DCC: variants seen among roughly 807,000 people sequenced by gnomAD.
The protein encoded by DCC is netrin receptor DCC.
DCC carries 58 observed loss-of-function variants against 172.5 expected under a neutral mutation model. The observed-to-expected ratio is 0.34, with a 90% CI of 0.27 to 0.42. The LOEUF (loss-of-function observed/expected upper bound fraction) is 0.42. Ranked by LOEUF, DCC falls within the 10% of genes least tolerant of loss-of-function variation. DCC has a pLI of 1.00. For synonymous variants in DCC, 709 were observed against 644.5 expected, an observed-to-expected ratio of 1.10 and a Z score of -1.52; for missense variants, 1,740 against 1,791.0, an observed-to-expected ratio of 0.97 and a Z score of 0.51.
chr18:52,589,451 G>A (rs774990315), intron 1 of DCC, among the ~76,000 whole-genome samples: 24 of 152,108 alleles, frequency 1.6e-4, no homozygotes, highest in Admixed American at 2.6e-4. Flanking sequence ...TGAAGGCTTT[G>A]GATATTATCA....
Position 53,219,539 on chromosome 18 carries a change from C to T in DCC, c.1911+3942C>T, listed in dbSNP as rs112109217. 8.0e-3 allele frequency among the ~76,000 whole-genome samples: 1,212 copies of T among 152,168 alleles called. 17 individuals are homozygous for T. Among genetic ancestry groups the T allele is most frequent in the African/African-American group, 0.027 (1,127 of 41,518 alleles). ...TTTAAATGCAAATTGATGGATTCCT[C>T]TCATTATATCACCTCACACCTCTCT... is the stretch of plus-strand genomic sequence containing the variant. On this transcript the variant is annotated intron_variant, in intron 12 of 28. Transcript: ENST00000442544.
At chr18:52,698,621 C>G (rs1326128152) in intron 1 of DCC, among the ~76,000 whole-genome samples, 7 of 151,720 alleles carry the variant, frequency 4.6e-5, no homozygotes, top group African/African-American at 7.3e-5. Flanking sequence ...GAGATGGAGT[C>G]TCACTCTGTC....
At chr18:53,215,967 A>G (rs2055840407) in intron 12 of DCC, among the ~76,000 whole-genome samples, 1 of 152,300 alleles carries the variant, frequency 6.6e-6, no homozygotes, top group Non-Finnish European at 1.5e-5. Context: ...AATAATTAGG[A>G]GAAAGAAAGA....
chr18:53,214,811 A>G (rs559289670), intron 11 of DCC, among the ~76,000 whole-genome samples: 13 of 152,300 alleles, frequency 8.5e-5, no homozygotes, highest in Non-Finnish European at 1.6e-4. Context: ...ATGATAGAAT[A>G]TTCACTTTTT....
At chr18:53,020,872 G>A (rs74932849) in intron 5 of DCC, among the ~76,000 whole-genome samples, 20,175 of 151,984 alleles carry the variant, frequency 0.13, 1,568 homozygotes, top group East Asian at 0.32. Context: ...CAGAGCCTGC[G>A]GATTAATGGT....
chr18:53,148,952 C>T (rs2043959490), intron 7 of DCC, among the ~76,000 whole-genome samples: 1 of 150,054 alleles, frequency 6.7e-6, no homozygotes, highest in African/African-American at 2.5e-5. Flanking sequence ...CAACCTCCAC[C>T]TCCTGGGTTC....
At chr18:53,443,899 AATG>A (rs1158849839) in intron 22 of DCC, among the ~76,000 whole-genome samples, 1 of 152,242 alleles carries the variant, frequency 6.6e-6, no homozygotes, top group Non-Finnish European at 1.5e-5. Flanking sequence ...AGAGAGCCAG[AATG>A]ATAAGAGGAG....
At chr18:52,655,467 T>C (rs1598991663) in intron 1 of DCC, among the ~76,000 whole-genome samples, 1 of 152,174 alleles carries the variant, frequency 6.6e-6, no homozygotes, top group East Asian at 1.9e-4. Flanking sequence ...AATGGACAAA[T>C]AGCTTCTGCA....
chr18:52,421,133 C>T lies in DCC; in HGVS notation c.91+80255C>T, dbSNP rs184035501. On this transcript the variant is annotated intron_variant, in intron 1 of 28. Transcript: ENST00000442544. Reference sequence around the variant, plus strand: ...AACATAGAAAAGTTATTGAACTGTACAGTTCCTGTGCCTTGAATTTCATGT... The same window carrying T: ...AACATAGAAAAGTTATTGAACTGTATAGTTCCTGTGCCTTGAATTTCATGT... Among the ~76,000 whole-genome samples the T allele has an allele frequency of 2.0e-3, 300 of 152,274 alleles. 2 individuals are homozygous for T. Among genetic ancestry groups the T allele is most frequent in the African/African-American group, 6.9e-3 (285 of 41,558 alleles).
At chr18:52,791,206 C>A (rs939197231) in intron 2 of DCC, among the ~76,000 whole-genome samples, 1 of 152,068 alleles carries the variant, frequency 6.6e-6, no homozygotes. Context: ...CTAAAAGAGC[C>A]GGGCTGATTT....
At chr18:52,368,911 A>C (rs1295353271) in intron 1 of DCC, among the ~76,000 whole-genome samples, 1 of 152,202 alleles carries the variant, frequency 6.6e-6, no homozygotes, top group Non-Finnish European at 1.5e-5. Context: ...AAGTGCCCAG[A>C]AAAGTATGTA....
chr18:52,457,831 T>C (rs868618932), intron 1 of DCC, among the ~76,000 whole-genome samples: 3 of 152,176 alleles, frequency 2.0e-5, no homozygotes, highest in East Asian at 3.9e-4. Flanking sequence ...CAAATTCCCA[T>C]TGACTTGGGA....
At chr18:53,378,554 A>T (rs1907481502) in intron 15 of DCC, among the ~76,000 whole-genome samples, 1 of 152,206 alleles carries the variant, frequency 6.6e-6, no homozygotes, top group East Asian at 1.9e-4. Context: ...AGGAAATCTG[A>T]GTTCCATGAT....
chr18:52,404,659 T>C (rs1318488477), intron 1 of DCC, among the ~76,000 whole-genome samples: 1 of 151,004 alleles, frequency 6.6e-6, no homozygotes, highest in Admixed American at 6.6e-5. Flanking sequence ...TTTTTTGTTT[T>C]CTTTTTTTTT....
rs1160693413 is a variant in DCC at position 53,410,483 on chromosome 18, C to T, written c.2967C>T (p.Asn989=). 1.2e-6 allele frequency: 2 copies of T among 1,609,874 alleles called. No individual in the cohort carries two copies. The highest frequency in any genetic ancestry group is 2.2e-5 in the South Asian group (2 of 91,010). ...TCTTATTTTATACCTTGGACAAGAACATCCCAATTGATGACTGGATTATGG... is the reference window on the plus strand; with the variant it reads ...TCTTATTTTATACCTTGGACAAGAATATCCCAATTGATGACTGGATTATGG... ...AYILFYTLDK[N]IPIDDWIMET... is the part of the protein sequence containing the mutation. Residue 989 remains asparagine (N), a synonymous_variant, in exon 20 of 29, where the codon AAC becomes AAT. Coordinates refer to ENST00000442544, the MANE Select transcript of DCC (RefSeq NM_005215.4).
chr18:52,713,108 G>T (rs2036321727), intron 1 of DCC, among the ~76,000 whole-genome samples: 1 of 152,218 alleles, frequency 6.6e-6, no homozygotes. Context: ...CTCTGTCAGT[G>T]GAAGGAGTGT....
intron 5 of DCC, among the ~76,000 whole-genome samples, chr18:52,999,063 T>G (rs1238209207): frequency 1.3e-5 from 2 of 152,092 alleles, no homozygotes; most frequent in Non-Finnish European, 2.9e-5. Context: ...ACACAGTGAG[T>G]ATTCAACAGC....
intron 1 of DCC, among the ~76,000 whole-genome samples, chr18:52,360,075 G>A (rs1984552239): frequency 6.6e-6 from 1 of 151,924 alleles, no homozygotes; most frequent in Non-Finnish European, 1.5e-5. Context: ...TTACACTATT[G>A]CTTTTTATTT....
At chr18:53,332,101 C>G (rs1179710543) in intron 14 of DCC, among the ~76,000 whole-genome samples, 1 of 152,068 alleles carries the variant, frequency 6.6e-6, no homozygotes, top group Non-Finnish European at 1.5e-5. Flanking sequence ...ATCCTTAGAT[C>G]TACCAGTTTA....
Sources: gnomAD v4.1 joint callset for allele counts (sites outside exome capture counted in the v4.1 genomes callset) on GRCh38, gnomAD v4.1.1 for gene constraint, MANE v1.5 for transcripts, NCBI Gene and HGNC (gene_info 2026-07-23, HGNC 2026-07-21) for gene names.